The following DMXL1 variants were observed in gnomAD, a reference collection of about 807,000 sequenced individuals.
The protein encoded by DMXL1 is Dmx like 1, also known as dmX-like protein 1.
A neutral mutation model predicts 319.2 loss-of-function variants in DMXL1; 99 were observed. That is an observed-to-expected ratio of 0.31 (90% confidence interval 0.26 to 0.37). The LOEUF (loss-of-function observed/expected upper bound fraction) is 0.37, where lower values mean the gene tolerates loss of function less well. Ranked by LOEUF, DMXL1 falls within the 10% of genes least tolerant of loss-of-function variation. DMXL1 has a pLI of 1.00. For synonymous variants in DMXL1, 1,385 were observed against 1,235.2 expected, an observed-to-expected ratio of 1.12 and a Z score of -2.54; for missense variants, 3,745 against 3,595.6, an observed-to-expected ratio of 1.04 and a Z score of -1.06.
chr5:119,197,689 C>G, intron 31 of DMXL1, 66 bp from the exon 32 acceptor site: 1 of 1,437,450 alleles, frequency 7.0e-7, no homozygotes, highest in South Asian at 1.2e-5. Context: ...TCATTTCAGT[C>G]TTTCTTAAAA....
At chr5:119,236,217 A>G (rs1018018484) in intron 39 of DMXL1, 2 of 152,100 alleles carry the variant, frequency 1.3e-5, no homozygotes, top group South Asian at 4.1e-4. Context: ...AGTATTTTAG[A>G]TTTTAAAAAT....
At chr5:119,227,097 A>G (rs1231688405) in intron 38 of DMXL1, among the ~76,000 whole-genome samples, 3 of 152,164 alleles carry the variant, frequency 2.0e-5, no homozygotes, top group Non-Finnish European at 4.4e-5. Context: ...GTGGGACCCC[A>G]TCTAAGACAC....
At chr5:119,174,378 C>G (rs1265225564) in intron 25 of DMXL1, among the ~76,000 whole-genome samples, 1 of 152,168 alleles carries the variant, frequency 6.6e-6, no homozygotes, top group African/African-American at 2.4e-5. Context: ...AGCTCAGATT[C>G]AGTGAGTGGA....
intron 5 of DMXL1, among the ~76,000 whole-genome samples, chr5:119,113,304 T>C (rs1037476630): frequency 6.6e-6 from 1 of 152,144 alleles, no homozygotes; most frequent in Admixed American, 6.6e-5. Context: ...TATGGTGGCG[T>C]GATCTTGGCT....
In DMXL1 at chr5:119,133,851, T is replaced by C; in HGVS notation, c.1927T>C (p.Leu643=). The change falls in exon 12 of 44, where the codon TTA becomes CTA. Residue 643 remains leucine, a synonymous_variant. Transcript: ENST00000539542. ...TGGTCATCGTTTTCATCTTAATGAT[T>C]TAGCTTGCCACTCAGTATTACCATT... is the stretch of plus-strand genomic sequence containing the variant. ...YCGHRFHLND[L]ACHSVLPLLL... 1 of 1,614,190 alleles carries C rather than the reference T, an allele frequency of 6.2e-7. No individual in the cohort carries two copies.
intron 19 of DMXL1, among the ~76,000 whole-genome samples, chr5:119,159,999 T>G (rs1336606645): frequency 6.6e-6 from 1 of 152,192 alleles, no homozygotes; most frequent in Non-Finnish European, 1.5e-5. Flanking sequence ...GTTCAGGTTT[T>G]TTTCCCCTGT....
rs1760790197 is a variant in DMXL1 at position 119,116,139 on chromosome 5, T to A, written c.565-19T>A. The A allele has an allele frequency of 1.3e-6, 2 of 1,571,170 alleles. No homozygotes were observed. The highest frequency in any genetic ancestry group is 1.7e-6 in the Non-Finnish European group (2 of 1,161,672). On this transcript the variant is annotated intron_variant, in intron 6 of 43. Transcript: ENST00000539542. ...ATTCTGATCTCCATGATTTTCTGTTTTGTTTTTTTTTTCCTTAGGATGACT... is the reference window on the plus strand; with the variant it reads ...ATTCTGATCTCCATGATTTTCTGTTATGTTTTTTTTTTCCTTAGGATGACT...
chr5:119,149,220 T>C lies in DMXL1; in HGVS notation c.3393T>C (p.Asn1131=). 6.2e-7 allele frequency: 1 copy of C among 1,613,932 alleles called. No homozygotes were observed. The highest frequency in any genetic ancestry group is 8.5e-7 in the Non-Finnish European group (1 of 1,179,862). ...KQDMYLSSKE[N]ITSNTKHLVH... ...ACATGTATTTATCTAGTAAAGAGAA[T>C]ATCACATCAAACACAAAGCATTTAG... The change falls in exon 18 of 44, where the codon AAT becomes AAC. Residue 1131 remains asparagine, a synonymous_variant. Coordinates refer to ENST00000539542, the MANE Select transcript of DMXL1 (RefSeq NM_001290321.3).
intron 1 of DMXL1, among the ~76,000 whole-genome samples, chr5:119,092,003 A>C (rs531382953): frequency 1.3e-5 from 2 of 152,168 alleles, no homozygotes; most frequent in Non-Finnish European, 2.9e-5. Flanking sequence ...AGAGAACCCA[A>C]TATGGTGGGG....
chr5:119,147,077 G>A (rs1020031446), intron 16 of DMXL1, 121 bp downstream of exon 16: 3 of 1,208,706 alleles, frequency 2.5e-6, no homozygotes, highest in African/African-American at 3.1e-5. Flanking sequence ...GATAACTGTA[G>A]ATTATTCAAT....
At chr5:119,110,543 A>G (rs796072359) in intron 5 of DMXL1, among the ~76,000 whole-genome samples, 55 of 152,348 alleles carry the variant, frequency 3.6e-4, no homozygotes, top group African/African-American at 1.1e-3. Flanking sequence ...GCCAAATTAT[A>G]TGAAAAGATA....
At chr5:119,231,476 C>T (rs1158958246) in intron 38 of DMXL1, among the ~76,000 whole-genome samples, 1 of 152,098 alleles carries the variant, frequency 6.6e-6, no homozygotes, top group Non-Finnish European at 1.5e-5. Context: ...AAGCGGTAAC[C>T]TTCAAATGCA....
chr5:119,114,487 A>T lies in DMXL1; in HGVS notation c.510A>T (p.Gln170His). The change falls in exon 6 of 44, where the codon CAA becomes CAT. Residue 170 changes from glutamine (Q) to histidine (H), a missense_variant. Coordinates refer to ENST00000539542, the MANE Select transcript of DMXL1 (RefSeq NM_001290321.3). ...GTTTAATTTACAGAACTGCTTCCCA[A>T]GTTCATTTAATGAAATTTTCACCAG... The part of the protein sequence containing the change: ...KCIWHCKTAS[Q>H]VHLMKFSPDG... The T allele has an allele frequency of 6.2e-7, 1 of 1,608,240 alleles. No homozygotes were observed. Among genetic ancestry groups the T allele is most frequent in the Non-Finnish European group, 8.5e-7 (1 of 1,177,996 alleles).
chr5:119,076,677 A>G (rs1433776105), intron 1 of DMXL1, among the ~76,000 whole-genome samples: 2 of 152,218 alleles, frequency 1.3e-5, no homozygotes, highest in Non-Finnish European at 2.9e-5. Context: ...CTTAAAACCT[A>G]TGTCATTTAA....
At chr5:119,204,441 C>A (rs1412254300) in intron 33 of DMXL1, among the ~76,000 whole-genome samples, 2 of 152,020 alleles carry the variant, frequency 1.3e-5, no homozygotes, top group African/African-American at 4.8e-5. Flanking sequence ...ACCCAGCCAA[C>A]TTTTTAAATA....
In DMXL1 at chr5:119,134,287, T is replaced by C. The variant is rs1337137434; in HGVS notation, c.2274T>C (p.Pro758=). Residue 758 remains proline, a synonymous_variant, in exon 13 of 44, where the codon CCT becomes CCC. Transcript: ENST00000539542. ...TTCTAGGTGCATACTGCAACTCTCC[T>C]AGTGCATGCTTTGTAGCCAGTGATG... ...SYCLGAYCNS[P]SACFVASDGQ... The C allele has an allele frequency of 1.9e-6, 3 of 1,613,458 alleles. No individual in the cohort carries two copies. Among genetic ancestry groups the C allele is most frequent in the South Asian group, 1.1e-5 (1 of 90,972 alleles).
In DMXL1 at chr5:119,133,808, C is replaced by T. The variant is rs749249049; in HGVS notation, c.1884C>T (p.Ser628=). 1 of 1,614,082 alleles carries T rather than the reference C, an allele frequency of 6.2e-7. No homozygotes were observed. Among genetic ancestry groups the T allele is most frequent in the South Asian group, 1.1e-5 (1 of 91,086 alleles). ...CTTTTTCTACTGTTCTCAGTATTTC[C>T]CACAAATCCAGATATTGTGGTCATC... is the stretch of plus-strand genomic sequence containing the variant. ...ESAFSTVLSI[S]HKSRYCGHRF... Residue 628 remains serine, a synonymous_variant, in exon 12 of 44, where the codon TCC becomes TCT. Transcript: ENST00000539542.
chr5:119,147,036 A>G (rs1768708906), intron 16 of DMXL1, 80 bp downstream of exon 16: 12 of 1,502,896 alleles, frequency 8.0e-6, no homozygotes, highest in Middle Eastern at 1.7e-4. Flanking sequence ...AATTTGGGAC[A>G]TATTTCTTAA....
At chr5:119,194,059 CTTG>C in intron 30 of DMXL1, 89 bp downstream of exon 30, 1 of 938,500 alleles carries the variant, frequency 1.1e-6, no homozygotes, top group Non-Finnish European at 1.5e-6. Flanking sequence ...AAATTAATAG[CTTG>C]TTGACTTTAT....
Sources: allele counts gnomAD v4.1 joint callset (sites outside exome capture counted in the v4.1 genomes callset), GRCh38; gene constraint gnomAD v4.1.1; transcripts MANE v1.5; gene names NCBI Gene and HGNC (gene_info 2026-07-23, HGNC 2026-07-21).